The following CCNG1 variants were observed in gnomAD, a reference collection of about 807,000 sequenced individuals.
CCNG1 encodes the protein cyclin G1.
In CCNG1, 13 loss-of-function variants were observed where a neutral mutation model predicts 30.0. The observed-to-expected ratio is 0.43, with a 90% CI of 0.28 to 0.69. The LOEUF is 0.69. Among genes scored for constraint, CCNG1 ranks in the 30% least tolerant of loss-of-function variants. CCNG1 has a pLI of 0.16. For missense variants in CCNG1, 285 were observed against 331.4 expected (o/e 0.86, Z 1.09); for synonymous variants, 110 against 121.5 (o/e 0.91, Z 0.62).
chr5:163,445,791 C>T (rs930827901), downstream of CCNG1: 1 of 151,886 alleles, frequency 6.6e-6, no homozygotes, highest in African/African-American at 2.4e-5. Flanking sequence ...AGAATGATGA[C>T]AAATAATTGT....
downstream of CCNG1, chr5:163,447,027 A>ATTTTTAT (rs1758053997): frequency 6.6e-6 from 1 of 152,196 alleles, no homozygotes; most frequent in African/African-American, 2.4e-5. Context: ...TTAAAAAGCC[A>ATTTTTAT]TTTTTATATT....
intron 3 of CCNG1, 60 bp downstream of exon 3, chr5:163,441,391 A>G: frequency 6.9e-7 from 1 of 1,442,206 alleles, no homozygotes; most frequent in Non-Finnish European, 9.4e-7. Flanking sequence ...TTGTATGGAT[A>G]TTGCATAAAA....
rs745308524 is a variant in CCNG1 at position 163,441,977 on chromosome 5, TA to T, written c.597+16del. ...TTCTAAAGCAAAGGTAAATATTTTATAAAGATTATGCCTATTGATATGATCT... is the reference window on the plus strand; with the variant it reads ...TTCTAAAGCAAAGGTAAATATTTTATAAGATTATGCCTATTGATATGATCT... On this transcript the variant is annotated intron_variant, in intron 4 of 6. Coordinates refer to ENST00000340828, the MANE Select transcript of CCNG1 (RefSeq NM_004060.4). 3 of 1,592,288 alleles carry T rather than the reference TA, an allele frequency of 1.9e-6. No individual in the cohort carries two copies. The Admixed American group carries it at 5.0e-5, about 27-fold the overall frequency.
chr5:163,450,198 T>G (rs1252287445), downstream of CCNG1: 1 of 152,082 alleles, frequency 6.6e-6, no homozygotes, highest in East Asian at 1.9e-4. Flanking sequence ...CAGGCAGAGG[T>G]TGCAGTGAGT....
At chr5:163,447,763 A>G (rs1380701379), downstream of CCNG1, 2 of 152,196 alleles carry the variant, frequency 1.3e-5, no homozygotes, top group African/African-American at 4.8e-5. Context: ...ATGTTTTTTG[A>G]CCATAATCTA....
In CCNG1 at chr5:163,441,290, A is replaced by G. The variant is rs769568172; in HGVS notation, c.477A>G (p.Gln159=). Reference sequence around the variant, plus strand: ...CTACTACTGCCTTTCAATTTCTGCAACTGTATTATTCACTCCTTCAAGAGA... The same window carrying G: ...CTACTACTGCCTTTCAATTTCTGCAGCTGTATTATTCACTCCTTCAAGAGA... ...VKATTAFQFL[Q]LYYSLLQENL... The change falls in exon 3 of 7, where the codon CAA becomes CAG. Residue 159 remains glutamine, a synonymous_variant. Coordinates refer to ENST00000340828, the MANE Select transcript of CCNG1 (RefSeq NM_004060.4). 2 of 1,613,990 alleles carry G rather than the reference A, an allele frequency of 1.2e-6. No individual in the cohort carries two copies. The highest frequency in any genetic ancestry group is 2.2e-5 in the South Asian group (2 of 91,062).
intron 2 of CCNG1, 174 bp downstream of exon 2, chr5:163,439,694 A>G: frequency 1.7e-6 from 1 of 580,986 alleles, no homozygotes; most frequent in Admixed American, 3.3e-5. Flanking sequence ...GTAGTACATC[A>G]GGTATTAGAC....
chr5:163,456,064 ATGTTAGGG>A, the CCNG1 span, among the ~76,000 whole-genome samples: 2 of 152,186 alleles, frequency 1.3e-5, no homozygotes, highest in Non-Finnish European at 1.5e-5. Flanking sequence ...ATATGGAAGG[ATGTTAGGG>A]TGTTCAACTT....
chr5:163,443,563 A>C (rs1757936071), intron 6 of CCNG1, 111 bp from the exon 7 acceptor site: 1 of 639,870 alleles, frequency 1.6e-6, no homozygotes, highest in African/African-American at 1.8e-5. Context: ...CATTTAATAC[A>C]TCTACATGTG....
In CCNG1 at chr5:163,439,285, C is replaced by T. The variant is rs1248713339; in HGVS notation, c.29C>T (p.Ser10Phe). ...ATAGAGGTACTGACAACAACTGACTCTCAGAAACTGCTACACCAGCTGAAT... is the reference window on the plus strand; with the variant it reads ...ATAGAGGTACTGACAACAACTGACTTTCAGAAACTGCTACACCAGCTGAAT... MIEVLTTTD[S>F]QKLLHQLNAL... The change falls in exon 2 of 7, where the codon TCT becomes TTT. Residue 10 changes from serine (S) to phenylalanine (F), a missense_variant. Coordinates refer to ENST00000340828, the MANE Select transcript of CCNG1 (RefSeq NM_004060.4). 2 of 1,613,694 alleles carry T rather than the reference C, an allele frequency of 1.2e-6. No homozygotes were observed. The highest frequency in any genetic ancestry group is 1.7e-5 in the Admixed American group (1 of 60,002).
the CCNG1 span, among the ~76,000 whole-genome samples, chr5:163,455,492 G>A: frequency 3.9e-5 from 6 of 152,184 alleles, no homozygotes; most frequent in Admixed American, 6.5e-5. Context: ...GGCTGGGCGC[G>A]GTGGTTCACG....
chr5:163,448,616 A>G (rs978868785), downstream of CCNG1: 2 of 152,240 alleles, frequency 1.3e-5, no homozygotes, highest in African/African-American at 4.8e-5. Context: ...TTTGCAATTC[A>G]TTTTACAAGA....
chr5:163,448,315 C>A (rs1758093779), downstream of CCNG1: 1 of 151,420 alleles, frequency 6.6e-6, no homozygotes, highest in Non-Finnish European at 1.5e-5. Flanking sequence ...GCAAAATTGA[C>A]AAAAAAAGAG....
At chr5:163,448,955 T>C (rs1758109955), downstream of CCNG1, 1 of 152,158 alleles carries the variant, frequency 6.6e-6, no homozygotes, top group Admixed American at 6.5e-5. Context: ...TTGCTCAACA[T>C]GACAAAGGGA....
chr5:163,445,038 T>C (rs1353672084), downstream of CCNG1: 1 of 152,192 alleles, frequency 6.6e-6, no homozygotes, highest in Non-Finnish European at 1.5e-5. Context: ...GTGGCTTTTT[T>C]CTCCTCTGAT....
the CCNG1 span, among the ~76,000 whole-genome samples, chr5:163,455,254 G>C: frequency 6.6e-6 from 1 of 152,214 alleles, no homozygotes; most frequent in Admixed American, 6.5e-5. Context: ...CCAAACTGTG[G>C]GAGAAGAGCA....
chr5:163,439,477 C>T lies in CCNG1; in HGVS notation c.221C>T (p.Ser74Phe). The T allele has an allele frequency of 6.2e-7, 1 of 1,614,042 alleles. No individual in the cohort carries two copies. Among genetic ancestry groups the T allele is most frequent in the Non-Finnish European group, 8.5e-7 (1 of 1,179,916 alleles). ...QFFGFDTETF[S>F]LAVNLLDRFL... ...TTTGGCTTTGACACAGAGACATTTT[C>T]TCTAGCTGTGAATTTACTGGACAGA... Residue 74 changes from serine (S) to phenylalanine (F), a missense_variant, in exon 2 of 7, where the codon TCT (serine) becomes TTT (phenylalanine). Physicochemically the swap from Ser to Phe is radical, Grantham distance 155. Coordinates refer to ENST00000340828, the MANE Select transcript of CCNG1 (RefSeq NM_004060.4).
At chr5:163,454,108 C>T in the CCNG1 span, 18 of 844,026 alleles carry the variant, frequency 2.1e-5, no homozygotes, top group Middle Eastern at 3.1e-4. Context: ...AATACAAGTA[C>T]AAACTGGCAA....
chr5:163,440,752 T>A (rs2113357820), intron 2 of CCNG1, among the ~76,000 whole-genome samples: 1 of 152,344 alleles, frequency 6.6e-6, no homozygotes, highest in Non-Finnish European at 1.5e-5. Flanking sequence ...TCATATATCT[T>A]TGACTAGTTA....
Sources: gnomAD v4.1 joint callset for allele counts (sites outside exome capture counted in the v4.1 genomes callset) on GRCh38, gnomAD v4.1.1 for gene constraint, MANE v1.5 for transcripts, NCBI Gene and HGNC (gene_info 2026-07-23, HGNC 2026-07-21) for gene names.